Variants in PCDHA8 observed in about 807,000 individuals in gnomAD.
PCDHA8 encodes the protein protocadherin alpha-8.
Under a neutral mutation model 61.8 loss-of-function variants are expected in PCDHA8, and 53 were observed. That is an observed-to-expected ratio of 0.86 (90% confidence interval 0.69 to 1.08). The LOEUF (loss-of-function observed/expected upper bound fraction) is 1.08. PCDHA8 is among the 50% of genes least tolerant of loss of function. The pLI is 0.00. For synonymous variants in PCDHA8, 618 were observed against 556.6 expected (o/e 1.11, Z -1.55); for missense variants, 1,293 against 1,245.0 (o/e 1.04, Z -0.58).
chr5:140,940,635 TC>T (rs2092658903), intron 1 of PCDHA8, among the ~76,000 whole-genome samples: 1 of 152,214 alleles, frequency 6.6e-6, no homozygotes, highest in African/African-American at 2.4e-5. Context: ...CTTAAGCTTG[TC>T]ATTTATTTAT....
chr5:141,005,662 A>G (rs2098227817), intron 3 of PCDHA8, among the ~76,000 whole-genome samples: 1 of 138,324 alleles, frequency 7.2e-6, no homozygotes, highest in East Asian at 2.2e-4. Context: ...AGATCGCGCC[A>G]CTGCACTCCA....
intron 1 of PCDHA8, chr5:140,865,906 T>A (rs2153227023): frequency 6.6e-6 from 1 of 152,286 alleles, no homozygotes; most frequent in Non-Finnish European, 1.5e-5. Flanking sequence ...CAGGCAAATC[T>A]TTCTTTCTGT....
intron 1 of PCDHA8, among the ~76,000 whole-genome samples, chr5:140,911,590 C>A (rs778543832): frequency 3.3e-5 from 5 of 152,156 alleles, no homozygotes; most frequent in Non-Finnish European, 4.4e-5. Context: ...TAGGAGGAAC[C>A]AACCAACTTC....
chr5:140,989,019 T>C (rs1429425323), intron 3 of PCDHA8: 1 of 152,238 alleles, frequency 6.6e-6, no homozygotes, highest in East Asian at 1.9e-4. Context: ...TATAGTTTCT[T>C]CAGTTATCAT....
chr5:140,931,049 A>G (rs1165336064), intron 1 of PCDHA8, among the ~76,000 whole-genome samples: 1 of 152,226 alleles, frequency 6.6e-6, no homozygotes, highest in Non-Finnish European at 1.5e-5. Flanking sequence ...AAAAACTTCA[A>G]TGCTGTGTCT....
rs2150360487 is a variant in PCDHA8 at position 140,843,457 on chromosome 5, G to C, written c.2136G>C (p.Val712=). The change falls in exon 1 of 4, where the codon GTG becomes GTC. Residue 712 remains valine, a synonymous_variant. Coordinates refer to ENST00000531613, the MANE Select transcript of PCDHA8 (RefSeq NM_018911.3). ...TCTGCGCGGTATCCAGCCTGCTGGT[G>C]CTCACGCTGCTGCTGTACACTGCGC... is the stretch of plus-strand genomic sequence containing the variant. ...IAICAVSSLL[V]LTLLLYTALR... The C allele has an allele frequency of 2.5e-6, 4 of 1,596,058 alleles. No homozygotes were observed. Among genetic ancestry groups the C allele is most frequent in the Admixed American group, 1.7e-5 (1 of 59,304 alleles).
chr5:140,986,198 C>T (rs782730684), intron 3 of PCDHA8, among the ~76,000 whole-genome samples: 1 of 152,200 alleles, frequency 6.6e-6, no homozygotes, highest in African/African-American at 2.4e-5. Flanking sequence ...ATTGGTTAAT[C>T]CTGATTACTG....
At chr5:141,000,223 G>A (rs1190945878) in intron 3 of PCDHA8, among the ~76,000 whole-genome samples, 2 of 151,642 alleles carry the variant, frequency 1.3e-5, no homozygotes, top group African/African-American at 4.8e-5. Flanking sequence ...AAATGCCTGT[G>A]TGGAGCTGAA....
At chr5:140,984,704 G>A (rs2097116148) in intron 3 of PCDHA8, among the ~76,000 whole-genome samples, 1 of 152,032 alleles carries the variant, frequency 6.6e-6, no homozygotes, top group Non-Finnish European at 1.5e-5. Flanking sequence ...CTGCTTGGAG[G>A]GAATATGGCA....
At chr5:141,006,192 G>A (rs2098259902) in intron 3 of PCDHA8, among the ~76,000 whole-genome samples, 1 of 150,138 alleles carries the variant, frequency 6.7e-6, no homozygotes, top group African/African-American at 2.5e-5. Context: ...TTTGCTATAT[G>A]TATGTTATGC....
intron 1 of PCDHA8, among the ~76,000 whole-genome samples, chr5:140,888,588 C>G (rs1419931317): frequency 6.6e-6 from 1 of 152,212 alleles, no homozygotes; most frequent in Non-Finnish European, 1.5e-5. Flanking sequence ...TGTTAGTACA[C>G]ATTCAGAGCA....
intron 1 of PCDHA8, among the ~76,000 whole-genome samples, chr5:140,912,539 T>C (rs2075967162): frequency 6.6e-6 from 1 of 152,172 alleles, no homozygotes; most frequent in Non-Finnish European, 1.5e-5. Flanking sequence ...CATGATCATA[T>C]TGTCAGCAAA....
Position 140,841,292 on chromosome 5 carries a change from A to C in PCDHA8, c.-30A>C. On this transcript the variant is annotated 5_prime_UTR_variant, in exon 1 of 4. Transcript: ENST00000531613. ...AGTCGTTCATCTTTATATTAAGATAATATTTTCTGATAGGAAACGACTATT... is the reference window on the plus strand; with the variant it reads ...AGTCGTTCATCTTTATATTAAGATACTATTTTCTGATAGGAAACGACTATT... 6.4e-7 allele frequency: 1 copy of C among 1,561,784 alleles called. No individual in the cohort carries two copies. The highest frequency in any genetic ancestry group is 8.6e-7 in the Non-Finnish European group (1 of 1,156,684).
chr5:140,849,863 G>T (rs2150454576), intron 1 of PCDHA8: 1 of 1,598,620 alleles, frequency 6.3e-7, no homozygotes, highest in East Asian at 2.2e-5. Flanking sequence ...CAGCGTTCGC[G>T]CAGTCCGAGT....
chr5:140,926,976 GGA>G (rs1184794302), intron 1 of PCDHA8: 3 of 1,610,286 alleles, frequency 1.9e-6, no homozygotes, highest in Non-Finnish European at 2.5e-6. Context: ...CAGTGCCGGA[GGA>G]GACGGAGCGG....
At chr5:140,877,276 G>A (rs1038142877) in intron 1 of PCDHA8, 5 of 1,613,744 alleles carry the variant, frequency 3.1e-6, no homozygotes, top group Admixed American at 1.7e-5. Context: ...CGCTGACTCC[G>A]GCTATAACGC....
At chr5:140,902,594 A>G (rs1208012043) in intron 1 of PCDHA8, among the ~76,000 whole-genome samples, 1 of 152,112 alleles carries the variant, frequency 6.6e-6, no homozygotes, top group Non-Finnish European at 1.5e-5. Context: ...TTTGGGAAAC[A>G]GGTCGTTTTC....
At chr5:140,866,823 A>G (rs1375177663) in intron 1 of PCDHA8, 1 of 152,130 alleles carries the variant, frequency 6.6e-6, no homozygotes, top group Non-Finnish European at 1.5e-5. Context: ...TTAATCTTCA[A>G]TTGATTTTAC....
At chr5:140,870,751 C>T in intron 1 of PCDHA8, 3 of 1,613,546 alleles carry the variant, frequency 1.9e-6, no homozygotes, top group Non-Finnish European at 2.5e-6. Context: ...CAACGTGACG[C>T]TGCAGGTGTT....
Sources: allele counts gnomAD v4.1 joint callset (sites outside exome capture counted in the v4.1 genomes callset), GRCh38; gene constraint gnomAD v4.1.1; transcripts MANE v1.5; gene names NCBI Gene and HGNC (gene_info 2026-07-23, HGNC 2026-07-21).